Variants in CDH4 observed in about 807,000 individuals in gnomAD.
CDH4 encodes cadherin 4.
In CDH4, 33 loss-of-function variants were observed where a neutral mutation model predicts 86.0. The ratio of observed to expected loss-of-function variants is 0.38; its 90% CI spans 0.29 to 0.51. The LOEUF (loss-of-function observed/expected upper bound fraction) is 0.51. Among genes scored for constraint, CDH4 ranks in the 20% least tolerant of loss-of-function variants. The pLI, the probability that CDH4 is intolerant of heterozygous loss-of-function variation, is 0.86. For synonymous variants in CDH4, 555 were observed against 549.4 expected (o/e 1.01, Z -0.14); for missense variants, 1,114 against 1,307.4 (o/e 0.85, Z 2.28).
At chr20:61,452,154 G>A (rs1412550216) in intron 2 of CDH4, among the ~76,000 whole-genome samples, 1 of 152,158 alleles carries the variant, frequency 6.6e-6, no homozygotes, top group African/African-American at 2.4e-5. Flanking sequence ...TTGTGCTCAG[G>A]TTGTAATAAA....
At chr20:61,286,961 C>A (rs373331270) in intron 2 of CDH4, among the ~76,000 whole-genome samples, 1 of 152,354 alleles carries the variant, frequency 6.6e-6, no homozygotes, top group East Asian at 1.9e-4. Context: ...TCACCCTTCT[C>A]AATGGTGCTT....
intron 7 of CDH4, among the ~76,000 whole-genome samples, chr20:61,877,808 C>T (rs1984099501): frequency 6.6e-6 from 1 of 152,208 alleles, no homozygotes; most frequent in African/African-American, 2.4e-5. Flanking sequence ...GACAGCAGAG[C>T]CATGGTTCAG....
intron 2 of CDH4, among the ~76,000 whole-genome samples, chr20:61,652,074 C>G: frequency 6.6e-6 from 1 of 152,208 alleles, no homozygotes; most frequent in East Asian, 1.9e-4. Context: ...AGCCTGTGGT[C>G]CCAGGGAGGA....
At chr20:61,259,805 T>C (rs532469537) in intron 2 of CDH4, among the ~76,000 whole-genome samples, 1 of 152,358 alleles carries the variant, frequency 6.6e-6, no homozygotes, top group Non-Finnish European at 1.5e-5. Flanking sequence ...GGTATCTAAT[T>C]AGGTTAGTCT....
chr20:61,330,710 G>A (rs759193454), intron 2 of CDH4, among the ~76,000 whole-genome samples: 3 of 152,164 alleles, frequency 2.0e-5, no homozygotes, highest in Non-Finnish European at 4.4e-5. Flanking sequence ...CTGCCACCTT[G>A]GGAATTCGCT....
At chr20:61,674,526 A>T (rs1414217523) in intron 2 of CDH4, among the ~76,000 whole-genome samples, 1 of 152,176 alleles carries the variant, frequency 6.6e-6, no homozygotes, top group African/African-American at 2.4e-5. Context: ...AGCAGGGCCC[A>T]CCACTTGGGG....
chr20:61,625,160 G>A (rs1017563431), intron 2 of CDH4, among the ~76,000 whole-genome samples: 4 of 152,186 alleles, frequency 2.6e-5, no homozygotes, highest in African/African-American at 9.7e-5. Context: ...GGCGGGACGA[G>A]AGGGAAGCAC....
intron 2 of CDH4, among the ~76,000 whole-genome samples, chr20:61,731,208 C>T (rs562620621): frequency 1.9e-4 from 29 of 152,204 alleles, no homozygotes; most frequent in Non-Finnish European, 3.1e-4. Flanking sequence ...GCCAAACAGT[C>T]GTGCCGCTTG....
rs1485909524 is a variant in CDH4, at chr20:61,810,169, G to C, written c.577-34499G>C. Among the ~76,000 whole-genome samples the C allele has an allele frequency of 6.6e-6, 1 of 152,196 alleles. No individual in the cohort carries two copies. The highest frequency in any genetic ancestry group is 1.5e-5 in the Non-Finnish European group (1 of 68,040). On this transcript the variant is annotated intron_variant, in intron 4 of 15. Coordinates refer to ENST00000614565, the MANE Select transcript of CDH4 (RefSeq NM_001794.5). This position sits in a 1 kb window ranked among gnomAD's most constrained non-coding sequence, Gnocchi z 4.3. ...TGAGCCTAGACCTGTTCTCAAGACG[G>C]AGACAGAGATGGGTGAGGGAGGCCG...
intron 4 of CDH4, among the ~76,000 whole-genome samples, chr20:61,830,722 C>G (rs1016436031): frequency 1.3e-5 from 2 of 152,260 alleles, no homozygotes; most frequent in Non-Finnish European, 1.5e-5. Flanking sequence ...GCAGGCAGGC[C>G]CTGCAGAGCG....
At chr20:61,288,644 C>A (rs2084305471) in intron 2 of CDH4, among the ~76,000 whole-genome samples, 1 of 152,210 alleles carries the variant, frequency 6.6e-6, no homozygotes, top group South Asian at 2.1e-4. Flanking sequence ...AGCCCTCCTG[C>A]TGCAAGGAGA....
At position 61,392,995 on chromosome 20, in the gene CDH4, C is replaced by T. The variant is rs561951641; in HGVS notation, c.169+138058C>T. Among the ~76,000 whole-genome samples, 42 of 152,284 alleles carry T rather than the reference C, an allele frequency of 2.8e-4. No homozygotes were observed. In the South Asian group the frequency reaches 6.8e-3, roughly 25 times the overall value. The stretch of plus-strand genomic sequence containing the variant: ...CTGCTTGAGCACATGCCTTGTCGCT[C>T]AGGGCTTGACGGGATAGAAAACGTG... On this transcript the variant is annotated intron_variant, in intron 2 of 15. Coordinates refer to ENST00000614565, the MANE Select transcript of CDH4 (RefSeq NM_001794.5). This position sits in a 1 kb window ranked among gnomAD's most constrained non-coding sequence, Gnocchi z 5.7.
At chr20:61,452,029 T>G (rs2085383654) in intron 2 of CDH4, among the ~76,000 whole-genome samples, 1 of 152,248 alleles carries the variant, frequency 6.6e-6, no homozygotes, top group East Asian at 1.9e-4. Context: ...AGAAAACGGC[T>G]GTGGCCCCTT....
chr20:61,733,442 C>T (rs1369598556), intron 2 of CDH4, among the ~76,000 whole-genome samples: 3 of 152,150 alleles, frequency 2.0e-5, no homozygotes, highest in Non-Finnish European at 4.4e-5. Context: ...GGTCTGCTCC[C>T]CCGGTCACAG....
At chr20:61,932,354 C>T (rs2055120630) in intron 13 of CDH4, among the ~76,000 whole-genome samples, 1 of 152,206 alleles carries the variant, frequency 6.6e-6, no homozygotes, top group Admixed American at 6.5e-5. Flanking sequence ...AGGCAGTGAG[C>T]TGGGGAGAGG....
intron 2 of CDH4, among the ~76,000 whole-genome samples, chr20:61,591,154 C>G (rs2086516863): frequency 6.6e-6 from 1 of 152,156 alleles, no homozygotes; most frequent in African/African-American, 2.4e-5. Context: ...TTGATAAGTA[C>G]AAGAGGCGGA....
chr20:61,727,946 G>A (rs1210075080), intron 2 of CDH4, among the ~76,000 whole-genome samples: 1 of 152,226 alleles, frequency 6.6e-6, no homozygotes, highest in Non-Finnish European at 1.5e-5. Context: ...TGCTGTTAGG[G>A]CTAAGGAGAG....
At chr20:61,821,935 G>A (rs1027258503) in intron 4 of CDH4, among the ~76,000 whole-genome samples, 1 of 152,248 alleles carries the variant, frequency 6.6e-6, no homozygotes, top group Non-Finnish European at 1.5e-5. Context: ...CCGCCTCCTT[G>A]TGTGGGGTGC....
chr20:61,936,113 ACT>A (rs1453774262), intron 15 of CDH4, among the ~76,000 whole-genome samples: 10 of 151,636 alleles, frequency 6.6e-5, no homozygotes, highest in Non-Finnish European at 1.5e-5. Context: ...GGAGTGCCAC[ACT>A]CATAACTGCC....
Sources: allele counts gnomAD v4.1 joint callset (sites outside exome capture counted in the v4.1 genomes callset), GRCh38; gene constraint gnomAD v4.1.1; non-coding constraint Gnocchi (gnomAD v3.1); transcripts MANE v1.5; gene names NCBI Gene and HGNC (gene_info 2026-07-23, HGNC 2026-07-21).